The following PRSS55 variants were observed in gnomAD, a reference collection of about 807,000 sequenced individuals.
PRSS55 encodes the protein probable serine protease UNQ9391/PRO34284.
PRSS55 carries 41 observed loss-of-function variants against 23.6 expected under a neutral mutation model. The observed-to-expected ratio is 1.74, with a 90% CI of 1.35 to 2.26. The LOEUF (loss-of-function observed/expected upper bound fraction) is 2.26, where lower values mean the gene tolerates loss of function less well. PRSS55 is among the 30% of genes most tolerant of loss of function. PRSS55 has a pLI of 0.00. For synonymous variants in PRSS55, 262 were observed against 175.5 expected (o/e 1.49, Z -3.90); for missense variants, 669 against 439.1 (o/e 1.52, Z -4.68).
intron 1 of PRSS55, among the ~76,000 whole-genome samples, chr8:10,528,520 G>A (rs1007872664): frequency 1.3e-5 from 2 of 152,194 alleles, no homozygotes; most frequent in African/African-American, 4.8e-5. Flanking sequence ...GCTGGACCCG[G>A]CCTCTGTCCG....
chr8:10,529,497 T>C lies in PRSS55; in HGVS notation c.155-10T>C. On this transcript the variant is annotated splice_polypyrimidine_tract_variant and intron_variant, in intron 1 of 4. Transcript: ENST00000328655. Reference sequence around the variant, plus strand: ...CCCCTTTTCCTTTCCACTCTCTTTCTTTCCACCAGAATGTGGTGACAGATC... The same window carrying C: ...CCCCTTTTCCTTTCCACTCTCTTTCCTTCCACCAGAATGTGGTGACAGATC... 6.2e-7 allele frequency: 1 copy of C among 1,613,786 alleles called. No individual in the cohort carries two copies. Among genetic ancestry groups the C allele is most frequent in the South Asian group, 1.1e-5 (1 of 91,080 alleles).
rs183575529 is a variant in PRSS55, at chr8:10,549,621, C to A, written c.742-4322C>A. Among the ~76,000 whole-genome samples the A allele has an allele frequency of 3.6e-3, 545 of 152,290 alleles. 1 individual carries two copies. Among genetic ancestry groups the A allele is most frequent in the Non-Finnish European group, 5.9e-3 (404 of 68,006 alleles). On this transcript the variant is annotated intron_variant, in intron 4 of 4. Coordinates refer to the PRSS55 transcript ENST00000522210. ...GATGCGAAACAAGGCCCCAGGAGCT[C>A]AGCCCACCTGCTGTTCAGTGGCCAT...
At chr8:10,541,104 G>A (rs368794640), downstream of PRSS55, 1 of 152,404 alleles carries the variant, frequency 6.6e-6, no homozygotes, top group South Asian at 2.1e-4. Flanking sequence ...GGCTTTATAG[G>A]TCACAAGAGC....
chr8:10,542,873 CAAAAAAAAAAAAAA>C (rs57410579), downstream of PRSS55, among the ~76,000 whole-genome samples: 2 of 81,026 alleles, frequency 2.5e-5, no homozygotes, highest in African/African-American at 9.7e-5. Context: ...AACTTTGTCT[CAAAAAAAAAAAAAA>C]AAAAAAAAAA....
downstream of PRSS55, chr8:10,541,542 G>A (rs572539686): frequency 2.0e-5 from 3 of 152,314 alleles, no homozygotes; most frequent in East Asian, 5.8e-4. Flanking sequence ...GAGCTTGCCA[G>A]TCTCTGTAAT....
Position 10,531,431 on chromosome 8 carries a change from C to G in PRSS55, c.484C>G (p.Leu162Val), listed in dbSNP as rs548262793. 1.9e-6 allele frequency: 3 copies of G among 1,614,218 alleles called. No individual in the cohort carries two copies. The highest frequency in any genetic ancestry group is 2.2e-5 in the South Asian group (2 of 91,088). ...GGACAATGACATTGCCTTGCTGCTG[C>G]TGGCTTCGCCCATCAAGCTCGATGA... ...NMDNDIALLL[L>V]ASPIKLDDLK... is the part of the protein sequence containing the mutation. The change falls in exon 3 of 5, where the codon CTG becomes GTG. Residue 162 changes from leucine (L) to valine (V), a missense_variant. Leu to Val is a conservative substitution (Grantham distance 32, BLOSUM62 1). Transcript: ENST00000328655.
chr8:10,542,962 G>A (rs1017587547), downstream of PRSS55, among the ~76,000 whole-genome samples: 1 of 151,478 alleles, frequency 6.6e-6, no homozygotes, highest in East Asian at 1.9e-4. Context: ...TGTTTTGTCT[G>A]CTCTGCACCC....
chr8:10,547,714 C>T (rs547775300), intron 4 of PRSS55: 8 of 151,362 alleles, frequency 5.3e-5, no homozygotes, highest in African/African-American at 1.5e-4. Flanking sequence ...TCCTTCCTCC[C>T]TCTCCCCTTC....
At chr8:10,537,991 C>G (rs1259727246) in intron 4 of PRSS55, among the ~76,000 whole-genome samples, 1 of 152,160 alleles carries the variant, frequency 6.6e-6, no homozygotes. Context: ...GTCACACATT[C>G]TGAAAAGCGT....
intron 4 of PRSS55, among the ~76,000 whole-genome samples, chr8:10,547,889 C>G (rs1812857268): frequency 6.6e-6 from 1 of 152,100 alleles, no homozygotes; most frequent in East Asian, 1.9e-4. Context: ...AGCCGACACT[C>G]TAGGGGAACA....
rs750374033 is a variant in PRSS55, at chr8:10,538,595, G to A, written c.861G>A (p.Ser287=). The change falls in exon 5 of 5, where the codon TCG becomes TCA. Residue 287 remains serine, a synonymous_variant. Coordinates refer to ENST00000328655, the MANE Select transcript of PRSS55 (RefSeq NM_198464.4). ...GEKNTPGIYT[S]LVNYNLWIEK... Reference sequence around the variant, plus strand: ...AGAACACCCCAGGGATATACACCTCGTTGGTGAACTACAACCTCTGGATCG... The same window carrying A: ...AGAACACCCCAGGGATATACACCTCATTGGTGAACTACAACCTCTGGATCG... 19 of 1,613,974 alleles carry A rather than the reference G, an allele frequency of 1.2e-5. No individual in the cohort carries two copies. Among genetic ancestry groups the A allele is most frequent in the South Asian group, 7.7e-5 (7 of 91,078 alleles).
intron 4 of PRSS55, 140 bp from the exon 5 acceptor site, chr8:10,538,336 T>A: frequency 1.5e-6 from 1 of 666,696 alleles, no homozygotes; most frequent in Non-Finnish European, 2.6e-6. Flanking sequence ...AGCCACATGC[T>A]TCTCCCGTGG....
At chr8:10,543,693 T>G (rs1404781431), downstream of PRSS55, among the ~76,000 whole-genome samples, 1 of 143,102 alleles carries the variant, frequency 7.0e-6, no homozygotes, top group African/African-American at 2.5e-5. Context: ...TCCATCTCAG[T>G]GCTGCTTTAG....
At chr8:10,543,476 CTCTCTTTT>C (rs1473885227), downstream of PRSS55, among the ~76,000 whole-genome samples, 10 of 28,148 alleles carry the variant, frequency 3.6e-4, no homozygotes, top group South Asian at 2.7e-3. Flanking sequence ...TTCTTTCTTT[CTCTCTTTT>C]TTTTTTTTTT....
rs962020963 is a variant in PRSS55, at chr8:10,538,701, C to T, written c.967C>T (p.Pro323Ser). The T allele has an allele frequency of 2.5e-6, 4 of 1,614,004 alleles. No homozygotes were observed. The highest frequency in any genetic ancestry group is 3.4e-6 in the Non-Finnish European group (4 of 1,180,008). The change falls in exon 5 of 5, where the codon CCA becomes TCA. Residue 323 changes from proline to serine, a missense_variant. Physicochemically the swap from Pro to Ser is moderately conservative, Grantham distance 74. Transcript: ENST00000328655. The part of the protein sequence containing the change: ...TSVKQKPMGS[P>S]VSGVPEPGSP... ...TGTCAAACAGAAACCTATGGGCTCC[C>T]CAGTCTCGGGAGTCCCAGAGCCAGG...
intron 2 of PRSS55, 50 bp from the exon 3 acceptor site, chr8:10,531,245 G>C: frequency 1.2e-6 from 2 of 1,603,156 alleles, no homozygotes; most frequent in Non-Finnish European, 1.7e-6. Flanking sequence ...TGCCGCTTTT[G>C]AGACTTCCCT....
At chr8:10,545,073 G>A (rs1265039690) in intron 4 of PRSS55, 88 of 946,196 alleles carry the variant, frequency 9.3e-5, no homozygotes, top group Non-Finnish European at 1.0e-4. Flanking sequence ...AAAAAGACCA[G>A]GGCTTTTGGT....
intron 1 of PRSS55, among the ~76,000 whole-genome samples, chr8:10,526,147 C>A (rs1248236513): frequency 6.6e-6 from 1 of 152,134 alleles, no homozygotes; most frequent in African/African-American, 2.4e-5. Context: ...GCCCGGCCCC[C>A]CAGAGCTCCC....
chr8:10,546,203 G>C (rs1218949963), intron 4 of PRSS55, among the ~76,000 whole-genome samples: 1 of 152,148 alleles, frequency 6.6e-6, no homozygotes, highest in Non-Finnish European at 1.5e-5. Flanking sequence ...CAGGTCCCTT[G>C]CCTGTAAAAT....
Sources: allele counts gnomAD v4.1 joint callset (sites outside exome capture counted in the v4.1 genomes callset), GRCh38; gene constraint gnomAD v4.1.1; transcripts MANE v1.5; gene names NCBI Gene and HGNC (gene_info 2026-07-23, HGNC 2026-07-21).